KIAA2012: variants seen among roughly 807,000 people sequenced by gnomAD.
KIAA2012 encodes KIAA2012, also known as uncharacterized protein KIAA2012.
KIAA2012 carries 125 observed loss-of-function variants against 150.6 expected under a neutral mutation model. The ratio of observed to expected loss-of-function variants is 0.83; its 90% CI spans 0.72 to 0.96. KIAA2012 has a LOEUF of 0.96. KIAA2012 is among the 40% of genes least tolerant of loss of function. KIAA2012 has a pLI of 0.00. For missense variants in KIAA2012, 1,219 were observed against 1,354.9 expected (o/e 0.90, Z 1.57); for synonymous variants, 462 against 504.7 (o/e 0.92, Z 1.13).
At chr2:202,115,827 C>T (rs1690505795) in intron 11 of KIAA2012, 2 of 148,128 alleles carry the variant, frequency 1.4e-5, no homozygotes, top group South Asian at 4.2e-4. Flanking sequence ...GCTCTGTCAA[C>T]AACTATTTGG....
intron 11 of KIAA2012, among the ~76,000 whole-genome samples, chr2:202,119,216 G>C (rs1016065953): frequency 4.0e-5 from 6 of 151,832 alleles, no homozygotes; most frequent in African/African-American, 1.5e-4. Context: ...AGATTGCAGT[G>C]AGCCAAGATA....
Position 202,196,783 on chromosome 2 carries a change from C to T in KIAA2012, c.3188-17C>T, listed in dbSNP as rs1401044203. ...AAAATGATCCCTGCTGAGCCCACCC[C>T]CTTTTCTATTCTGCAGAGGCAGAGA... On this transcript the variant is annotated splice_polypyrimidine_tract_variant and intron_variant, in intron 21 of 23. Transcript: ENST00000498697. 1.3e-6 allele frequency: 2 copies of T among 1,548,750 alleles called. No individual in the cohort carries two copies. Among genetic ancestry groups the T allele is most frequent in the South Asian group, 1.2e-5 (1 of 83,940 alleles).
At chr2:202,136,120 AG>A in intron 12 of KIAA2012, 1 of 323,352 alleles carries the variant, frequency 3.1e-6, no homozygotes, top group Non-Finnish European at 6.2e-6. Flanking sequence ...CAGTTCTTAA[AG>A]GTGGTGTGTC....
Position 202,188,242 on chromosome 2 carries a change from T to G in KIAA2012, c.2467T>G (p.Tyr823Asp). The part of the protein sequence containing the change: ...GPKSEREGKV[Y>D]GQAEAAIGKS... ...CAAAAGCGAGAGAGAAGGAAAGGTCTACGGGCAAGCAGAGGCTGCCATTGG... is the reference window on the plus strand; with the variant it reads ...CAAAAGCGAGAGAGAAGGAAAGGTCGACGGGCAAGCAGAGGCTGCCATTGG... The change falls in exon 18 of 24, where the codon TAC becomes GAC. Residue 823 changes from tyrosine (Y) to aspartate (D), a missense_variant. By Grantham distance (160) the Tyr-to-Asp change is radical (BLOSUM62 -3). Coordinates refer to ENST00000498697, the MANE Select transcript of KIAA2012 (RefSeq NM_001277372.4). 1 of 1,550,206 alleles carries G rather than the reference T, an allele frequency of 6.5e-7. No individual in the cohort carries two copies. Among genetic ancestry groups the G allele is most frequent in the Non-Finnish European group, 8.7e-7 (1 of 1,146,846 alleles).
intron 22 of KIAA2012, among the ~76,000 whole-genome samples, chr2:202,199,688 G>A (rs566017575): frequency 6.6e-6 from 1 of 152,204 alleles, no homozygotes; most frequent in Non-Finnish European, 1.5e-5. Context: ...AAGGATCCCT[G>A]AAATATTCTT....
intron 23 of KIAA2012, among the ~76,000 whole-genome samples, chr2:202,203,175 C>T (rs1003519854): frequency 4.6e-5 from 7 of 152,082 alleles, no homozygotes; most frequent in Non-Finnish European, 1.0e-4. Context: ...GTCTGAAACA[C>T]TAACGTGGTC....
intron 15 of KIAA2012, chr2:202,179,852 C>T: frequency 8.0e-6 from 5 of 622,840 alleles, no homozygotes; most frequent in Non-Finnish European, 1.5e-5. Flanking sequence ...CTTGAAGATG[C>T]CATTCATACA....
intron 14 of KIAA2012, among the ~76,000 whole-genome samples, chr2:202,157,901 G>C (rs1691561189): frequency 6.6e-6 from 1 of 152,144 alleles, no homozygotes. Flanking sequence ...AAGATTTTCT[G>C]ACCCCACAGG....
intron 19 of KIAA2012, 93 bp downstream of exon 19, chr2:202,190,586 C>G (rs1247473878): frequency 3.2e-6 from 3 of 946,068 alleles, no homozygotes; most frequent in Non-Finnish European, 4.7e-6. Context: ...TTATATTGCA[C>G]TTACTAAAAC....
intron 15 of KIAA2012, among the ~76,000 whole-genome samples, chr2:202,175,869 T>C (rs1361448876): frequency 3.3e-5 from 5 of 152,158 alleles, no homozygotes; most frequent in Admixed American, 2.6e-4. Context: ...AATAAAACTG[T>C]GTGCTATTGG....
chr2:202,113,759 A>G (rs1690443758), intron 11 of KIAA2012: 1 of 263,610 alleles, frequency 3.8e-6, no homozygotes, highest in Non-Finnish European at 7.3e-6. Context: ...TGCCCAAACT[A>G]AACACTGCCT....
rs781582555 is a variant in KIAA2012, at chr2:202,193,445, G to C, written c.2956G>C (p.Ala986Pro). ...GCTCCAGCAGGAGCAGCTGGAGAGAGCAAAAAAGATGGAGGAGGAGCTGGA... is the reference window on the plus strand; with the variant it reads ...GCTCCAGCAGGAGCAGCTGGAGAGACCAAAAAAGATGGAGGAGGAGCTGGA... ...RQLQQEQLER[A>P]KKMEEELELE... is the part of the protein sequence containing the mutation. The change falls in exon 20 of 24, where the codon GCA becomes CCA. Residue 986 changes from alanine (A) to proline (P), a missense_variant. Ala to Pro is a conservative substitution (Grantham distance 27). Coordinates refer to ENST00000498697, the MANE Select transcript of KIAA2012 (RefSeq NM_001277372.4). 6.5e-7 allele frequency: 1 copy of C among 1,550,302 alleles called. No individual in the cohort carries two copies. The highest frequency in any genetic ancestry group is 8.7e-7 in the Non-Finnish European group (1 of 1,146,856).
At chr2:202,090,224 C>T (rs566248056) in intron 2 of KIAA2012, among the ~76,000 whole-genome samples, 7 of 151,628 alleles carry the variant, frequency 4.6e-5, no homozygotes, top group Admixed American at 1.3e-4. Flanking sequence ...ATATTTATTC[C>T]CTATGATGTC....
chr2:202,113,346 C>T lies in KIAA2012; in HGVS notation c.1662C>T (p.Ser554=), dbSNP rs778844674. The T allele has an allele frequency of 9.0e-5, 140 of 1,550,102 alleles. No homozygotes were observed. The highest frequency in any genetic ancestry group is 1.1e-4 in the Non-Finnish European group (127 of 1,146,566). The part of the protein sequence containing the change: ...RALPAAQEDS[S]DPTLGHFLLG... ...GTGCTTATTTTCAAGAAGATTCCAG[C>T]GACCCTACACTGGGACACTTCTTGC... is the stretch of plus-strand genomic sequence containing the variant. Residue 554 remains serine, a synonymous_variant, in exon 11 of 24, where the codon AGC becomes AGT. Transcript: ENST00000498697.
chr2:202,129,154 C>G (rs1690866988), intron 12 of KIAA2012, among the ~76,000 whole-genome samples: 1 of 151,942 alleles, frequency 6.6e-6, no homozygotes, highest in Non-Finnish European at 1.5e-5. Context: ...ACCTGATACC[C>G]CCTGGAACTG....
intron 12 of KIAA2012, chr2:202,125,831 T>C: frequency 2.2e-6 from 1 of 452,204 alleles, no homozygotes; most frequent in Non-Finnish European, 4.4e-6. Context: ...CCCACAGACA[T>C]GGCTGCTGCT....
At chr2:202,085,683 C>A (rs1689550379) in intron 2 of KIAA2012, among the ~76,000 whole-genome samples, 1 of 152,180 alleles carries the variant, frequency 6.6e-6, no homozygotes. Flanking sequence ...GTTTAAACCA[C>A]TAAATGTATG....
At position 202,075,048 on chromosome 2, in the gene KIAA2012, C is replaced by T. The variant is rs974497100; in HGVS notation, c.242C>T (p.Ser81Leu). The T allele has an allele frequency of 4.6e-5, 72 of 1,550,474 alleles. No homozygotes were observed. In the Admixed American group the frequency reaches 1.2e-3, roughly 25 times the overall value. ...CTGTACTCAGAAGGTTTTGCCATTT[C>T]GGCATGGACACCCAAAGAGAGGAGA... is the stretch of plus-strand genomic sequence containing the variant. Reference protein sequence around the residue: ...LILYSEGFAISAWTPKERRKG... With the variant: ...LILYSEGFAILAWTPKERRKG... The change falls in exon 2 of 24, where the codon TCG becomes TTG. Residue 81 changes from serine (S) to leucine (L), a missense_variant. Physicochemically the swap from Ser to Leu is moderately radical, Grantham distance 145. Transcript: ENST00000498697.
At chr2:202,197,163 G>C in intron 22 of KIAA2012, 144 bp downstream of exon 22, 5 of 1,230,186 alleles carry the variant, frequency 4.1e-6, no homozygotes, top group Non-Finnish European at 5.6e-6. Context: ...AGGCATAGAG[G>C]GATTCTTTTG....
Sources: gnomAD v4.1 joint callset for allele counts (sites outside exome capture counted in the v4.1 genomes callset) on GRCh38, gnomAD v4.1.1 for gene constraint, MANE v1.5 for transcripts, NCBI Gene and HGNC (gene_info 2026-07-23, HGNC 2026-07-21) for gene names.